The following RBFOX1 variants were observed in gnomAD, a reference collection of about 807,000 sequenced individuals.
RBFOX1 encodes the protein RNA binding protein fox-1 homolog 1.
Under a neutral mutation model 57.7 loss-of-function variants are expected in RBFOX1, and 8 were observed. The observed-to-expected ratio is 0.14, with a 90% confidence interval of 0.08 to 0.25. The LOEUF (loss-of-function observed/expected upper bound fraction) is 0.25. Ranked by LOEUF, RBFOX1 falls within the 10% of genes least tolerant of loss-of-function variation. The pLI is 1.00. For synonymous variants in RBFOX1, 326 were observed against 222.4 expected, an observed-to-expected ratio of 1.47 and a Z score of -4.15; for missense variants, 611 against 548.5, an observed-to-expected ratio of 1.11 and a Z score of -1.14.
intron 4 of RBFOX1, among the ~76,000 whole-genome samples, chr16:5,950,243 A>T (rs1034466785): frequency 7.2e-5 from 11 of 152,360 alleles, no homozygotes; most frequent in South Asian, 2.1e-4. Flanking sequence ...TTCACTAAGC[A>T]TAAAGCTTTT....
At chr16:5,875,176 A>C (rs75593559) in intron 4 of RBFOX1, among the ~76,000 whole-genome samples, 325 of 152,314 alleles carry the variant, frequency 2.1e-3, no homozygotes, top group Middle Eastern at 6.8e-3. Flanking sequence ...ATGTGAACGG[A>C]GTCCCAAGCA....
At chr16:7,268,087 T>C (rs1287365563) in intron 4 of RBFOX1, among the ~76,000 whole-genome samples, 2 of 152,078 alleles carry the variant, frequency 1.3e-5, no homozygotes, top group Non-Finnish European at 2.9e-5. Flanking sequence ...AGCTAGCAGG[T>C]TAGTGTGCTG....
chr16:7,535,266 G>A (rs2152417322), intron 5 of RBFOX1, among the ~76,000 whole-genome samples: 1 of 152,288 alleles, frequency 6.6e-6, no homozygotes, highest in African/African-American at 2.4e-5. Flanking sequence ...CCAGCTCAGG[G>A]CTGCTGGGCT....
At chr16:6,781,212 T>G (rs2080963127) in intron 3 of RBFOX1, among the ~76,000 whole-genome samples, 1 of 152,194 alleles carries the variant, frequency 6.6e-6, no homozygotes, top group Admixed American at 6.6e-5. Context: ...CTTCATTATG[T>G]TGATATGATA....
chr16:5,637,052 A>G (rs2048705879), intron 3 of RBFOX1, among the ~76,000 whole-genome samples: 1 of 152,198 alleles, frequency 6.6e-6, no homozygotes, highest in Non-Finnish European at 1.5e-5. Context: ...ATAATGCAAT[A>G]TCAGTGTTTT....
chr16:7,599,010 C>T (rs775253241), intron 9 of RBFOX1, among the ~76,000 whole-genome samples: 42 of 152,192 alleles, frequency 2.8e-4, no homozygotes, highest in Non-Finnish European at 4.7e-4. Context: ...CAGGGACATA[C>T]CGTCTATATA....
chr16:6,855,876 T>C (rs1244624827), intron 3 of RBFOX1, among the ~76,000 whole-genome samples: 3 of 150,318 alleles, frequency 2.0e-5, no homozygotes, highest in Non-Finnish European at 4.4e-5. Flanking sequence ...CCCTGCTTTC[T>C]TCCCTCCTTG....
chr16:6,054,963 T>C (rs2095597285), intron 1 of RBFOX1, among the ~76,000 whole-genome samples: 1 of 152,060 alleles, frequency 6.6e-6, no homozygotes, highest in Non-Finnish European at 1.5e-5. Context: ...TTTGTATTTT[T>C]AGTAGAGACG....
chr16:5,740,829 C>T (rs903567434), intron 3 of RBFOX1, among the ~76,000 whole-genome samples: 4 of 152,060 alleles, frequency 2.6e-5, no homozygotes, highest in East Asian at 3.9e-4. Flanking sequence ...TGTCTTGTGG[C>T]GTCTCCTTGT....
intron 3 of RBFOX1, among the ~76,000 whole-genome samples, chr16:6,931,148 A>G (rs916242553): frequency 1.3e-5 from 2 of 152,086 alleles, no homozygotes; most frequent in East Asian, 3.8e-4. Flanking sequence ...AAAAATTCAG[A>G]ACACATTGAC....
At chr16:6,753,027 T>G (rs2075215721) in intron 3 of RBFOX1, among the ~76,000 whole-genome samples, 1 of 152,180 alleles carries the variant, frequency 6.6e-6, no homozygotes, top group Admixed American at 6.5e-5. Context: ...TTTCAAAATT[T>G]ATTGTAACTT....
At chr16:6,653,989 A>G (rs186913626) in intron 2 of RBFOX1, among the ~76,000 whole-genome samples, 48 of 148,076 alleles carry the variant, frequency 3.2e-4, no homozygotes, top group South Asian at 1.1e-3. Context: ...GGATGGATGG[A>G]TGGATGGATG....
chr16:6,957,933 A>T (rs1475016126), intron 3 of RBFOX1, among the ~76,000 whole-genome samples: 1 of 152,124 alleles, frequency 6.6e-6, no homozygotes, highest in Admixed American at 6.5e-5. Flanking sequence ...ACCTAGCCCG[A>T]GAAGTCACAC....
intron 4 of RBFOX1, among the ~76,000 whole-genome samples, chr16:6,003,954 A>T (rs1262352419): frequency 6.6e-6 from 1 of 152,230 alleles, no homozygotes; most frequent in Non-Finnish European, 1.5e-5. Flanking sequence ...TGCTAATTTT[A>T]GAAATATTCA....
chr16:6,252,817 A>G (rs2152949528), intron 1 of RBFOX1, among the ~76,000 whole-genome samples: 1 of 152,294 alleles, frequency 6.6e-6, no homozygotes, highest in East Asian at 1.9e-4. Flanking sequence ...CCTGATAACC[A>G]CATTCTGAAC....
At chr16:6,462,802 G>T (rs537575455) in intron 2 of RBFOX1, among the ~76,000 whole-genome samples, 8 of 150,408 alleles carry the variant, frequency 5.3e-5, no homozygotes, top group African/African-American at 1.7e-4. Context: ...AAAGTATTGA[G>T]TATACACATG....
chr16:6,359,808 C>A (rs932374068), intron 2 of RBFOX1, among the ~76,000 whole-genome samples: 1 of 151,880 alleles, frequency 6.6e-6, no homozygotes, highest in African/African-American at 2.4e-5. Context: ...TCATCTAAGT[C>A]AAAAAAACTT....
At chr16:7,698,522 C>T (rs78794273) in intron 14 of RBFOX1, among the ~76,000 whole-genome samples, 3 of 152,100 alleles carry the variant, frequency 2.0e-5, no homozygotes, top group Admixed American at 6.6e-5. Context: ...TCTATCCCCA[C>T]TTCTCAACCT....
intron 3 of RBFOX1, among the ~76,000 whole-genome samples, chr16:5,798,596 G>T (rs1446953628): frequency 6.6e-6 from 1 of 152,182 alleles, no homozygotes; most frequent in Non-Finnish European, 1.5e-5. Context: ...ACAGGAACTG[G>T]ACGTTGGGTC....
Sources: allele counts gnomAD v4.1 joint callset (sites outside exome capture counted in the v4.1 genomes callset), GRCh38; gene constraint gnomAD v4.1.1; transcripts MANE v1.5; gene names NCBI Gene and HGNC (gene_info 2026-07-23, HGNC 2026-07-21).